The following MACROD2 variants were observed in gnomAD, a reference collection of about 807,000 sequenced individuals.
The protein encoded by MACROD2 is ADP-ribose glycohydrolase MACROD2.
A neutral mutation model predicts 70.4 loss-of-function variants in MACROD2; 36 were observed. The ratio of observed to expected loss-of-function variants is 0.51; its 90% CI spans 0.39 to 0.68. The LOEUF (loss-of-function observed/expected upper bound fraction) is 0.68. Among genes scored for constraint, MACROD2 ranks in the 30% least tolerant of loss-of-function variants. The pLI is 0.00. For missense variants in MACROD2, 496 were observed against 538.4 expected (o/e 0.92, Z 0.78); for synonymous variants, 172 against 178.8 (o/e 0.96, Z 0.30).
chr20:14,697,247 A>G (rs2071137274), intron 5 of MACROD2, among the ~76,000 whole-genome samples: 1 of 152,228 alleles, frequency 6.6e-6, no homozygotes, highest in South Asian at 2.1e-4. Flanking sequence ...TAAAATTAAC[A>G]AAAGTTATTT....
At chr20:14,083,684 T>G (rs1430545823) in intron 2 of MACROD2, among the ~76,000 whole-genome samples, 2 of 152,128 alleles carry the variant, frequency 1.3e-5, no homozygotes, top group African/African-American at 4.8e-5. Context: ...GTATTTTATA[T>G]TTTGAGGTTC....
chr20:15,077,483 G>A (rs1478193328), intron 5 of MACROD2, among the ~76,000 whole-genome samples: 1 of 152,136 alleles, frequency 6.6e-6, no homozygotes, highest in Non-Finnish European at 1.5e-5. Context: ...AAATTGTAAA[G>A]CACTATCTAA....
chr20:15,812,922 G>C (rs528861412), intron 8 of MACROD2, among the ~76,000 whole-genome samples: 3 of 152,278 alleles, frequency 2.0e-5, no homozygotes, highest in Admixed American at 2.0e-4. Flanking sequence ...GAATACAATA[G>C]AGAAATGACA....
chr20:16,042,811 G>A (rs1448655302), intron 16 of MACROD2, among the ~76,000 whole-genome samples: 1 of 152,052 alleles, frequency 6.6e-6, no homozygotes, highest in Non-Finnish European at 1.5e-5. Flanking sequence ...CACATCATTA[G>A]AAACTCAGGG....
chr20:15,011,384 T>C (rs1011078725), intron 5 of MACROD2, among the ~76,000 whole-genome samples: 1 of 152,164 alleles, frequency 6.6e-6, no homozygotes, highest in Non-Finnish European at 1.5e-5. Context: ...CTAAATGTTA[T>C]CTTTGCCTTT....
intron 5 of MACROD2, among the ~76,000 whole-genome samples, chr20:14,685,975 C>G (rs184064331): frequency 6.6e-6 from 1 of 152,196 alleles, no homozygotes; most frequent in East Asian, 1.9e-4. Flanking sequence ...TTAAAGATTA[C>G]TGTAAAGGTA....
chr20:15,650,203 G>A (rs2049622331), intron 8 of MACROD2, among the ~76,000 whole-genome samples: 1 of 152,160 alleles, frequency 6.6e-6, no homozygotes, highest in South Asian at 2.1e-4. Flanking sequence ...GCTCAGCAAT[G>A]CCAGCTTTAA....
intron 5 of MACROD2, among the ~76,000 whole-genome samples, chr20:14,776,001 A>C (rs6135257): frequency 0.053 from 8,067 of 152,106 alleles, 339 homozygotes; most frequent in East Asian, 0.17. Flanking sequence ...GAGTCCAGCC[A>C]ATCTGGCTGC....
At chr20:14,592,275 T>C (rs1981823895) in intron 4 of MACROD2, among the ~76,000 whole-genome samples, 1 of 152,238 alleles carries the variant, frequency 6.6e-6, no homozygotes, top group African/African-American at 2.4e-5. Flanking sequence ...CTATGCCATC[T>C]GTAAGCTAGA....
intron 5 of MACROD2, among the ~76,000 whole-genome samples, chr20:14,794,038 C>T (rs1189621096): frequency 1.3e-5 from 2 of 152,034 alleles, no homozygotes; most frequent in Non-Finnish European, 2.9e-5. Flanking sequence ...TGCAGCATCA[C>T]AGAGCCAGGA....
intron 5 of MACROD2, among the ~76,000 whole-genome samples, chr20:15,068,258 G>A (rs399773): frequency 0.18 from 26,745 of 152,056 alleles, 2,826 homozygotes; most frequent in Non-Finnish European, 0.24. Flanking sequence ...AGTCATAATT[G>A]TAATGACTTC....
intron 5 of MACROD2, among the ~76,000 whole-genome samples, chr20:14,908,240 T>A (rs1461573940): frequency 6.6e-6 from 1 of 151,892 alleles, no homozygotes; most frequent in Non-Finnish European, 1.5e-5. Context: ...ACTCAGGAGG[T>A]TGAGGCAGGA....
intron 10 of MACROD2, among the ~76,000 whole-genome samples, chr20:15,904,853 C>T (rs1373621211): frequency 6.8e-6 from 1 of 147,046 alleles, no homozygotes; most frequent in Non-Finnish European, 1.5e-5. Context: ...TGCACTCCAG[C>T]CTGCGCGAAA....
At chr20:15,895,900 C>T (rs1407103260) in intron 10 of MACROD2, among the ~76,000 whole-genome samples, 1 of 152,192 alleles carries the variant, frequency 6.6e-6, no homozygotes, top group Non-Finnish European at 1.5e-5. Flanking sequence ...TGATTGCTAT[C>T]AGCTGGGTTT....
chr20:14,157,883 AC>A (rs2055126436), intron 3 of MACROD2, among the ~76,000 whole-genome samples: 1 of 152,162 alleles, frequency 6.6e-6, no homozygotes, highest in South Asian at 2.1e-4. Flanking sequence ...GCTGGAATAA[AC>A]ATGAGTGCAG....
chr20:15,388,239 A>G (rs1245058927), intron 6 of MACROD2, among the ~76,000 whole-genome samples: 1 of 152,094 alleles, frequency 6.6e-6, no homozygotes, highest in African/African-American at 2.4e-5. Flanking sequence ...CAAATGGGGC[A>G]TGGAAGAAGG....
At chr20:14,901,718 AAAAT>A (rs2073896685) in intron 5 of MACROD2, among the ~76,000 whole-genome samples, 1 of 152,186 alleles carries the variant, frequency 6.6e-6, no homozygotes, top group Non-Finnish European at 1.5e-5. Context: ...TGGAAGACTT[AAAAT>A]AAATACACCA....
intron 8 of MACROD2, among the ~76,000 whole-genome samples, chr20:15,584,470 A>G (rs183540901): frequency 6.6e-6 from 1 of 152,348 alleles, no homozygotes; most frequent in East Asian, 1.9e-4. Context: ...ATCTCAAACC[A>G]GTGATTCCAT....
chr20:15,520,905 C>G (rs73897648), intron 8 of MACROD2, among the ~76,000 whole-genome samples: 22 of 152,318 alleles, frequency 1.4e-4, no homozygotes, highest in Middle Eastern at 6.8e-3. Context: ...ATGGACTGCA[C>G]ATAGATCTCA....
Sources: gnomAD v4.1 joint callset for allele counts (sites outside exome capture counted in the v4.1 genomes callset) on GRCh38, gnomAD v4.1.1 for gene constraint, MANE v1.5 for transcripts, NCBI Gene and HGNC (gene_info 2026-07-23, HGNC 2026-07-21) for gene names.